The following RIPOR2 variants were observed in gnomAD, a reference collection of about 807,000 sequenced individuals.
RIPOR2 encodes the protein rho family-interacting cell polarization regulator 2.
Under a neutral mutation model 114.5 loss-of-function variants are expected in RIPOR2, and 39 were observed. The ratio of observed to expected loss-of-function variants is 0.34; its 90% CI spans 0.26 to 0.44. RIPOR2 has a LOEUF of 0.44. Among genes scored for constraint, RIPOR2 ranks in the 20% least tolerant of loss-of-function variants. The pLI is 1.00. For missense variants in RIPOR2, 1,007 were observed against 1,255.1 expected (o/e 0.80, Z 2.99); for synonymous variants, 445 against 484.4 (o/e 0.92, Z 1.07).
chr6:24,949,826 C>T (rs899296131), intron 1 of RIPOR2, among the ~76,000 whole-genome samples: 35 of 74,446 alleles, frequency 4.7e-4, no homozygotes, highest in Non-Finnish European at 1.0e-3. Flanking sequence ...CTATAGCCCA[C>T]CACCTGGAAG....
In RIPOR2 at chr6:24,835,776, G is replaced by A. The variant is rs1761060331; in HGVS notation, c.2135C>T (p.Pro712Leu). The change falls in exon 15 of 22, where the codon CCA becomes CTA. Residue 712 changes from proline (P) to leucine (L), a missense_variant. Physicochemically the swap from Pro to Leu is moderately conservative, Grantham distance 98. Transcript: ENST00000643898. ...CAGGCTCTCGTTGCCTGTGGTCAGTGGGAGAGGACTTCCTGCCACACTGGT... is the reference window on the plus strand; with the variant it reads ...CAGGCTCTCGTTGCCTGTGGTCAGTAGGAGAGGACTTCCTGCCACACTGGT... ...VGTSVAGSPL[P>L]LTTGNESLDI... The A allele has an allele frequency of 6.4e-7, 1 of 1,551,636 alleles. No individual in the cohort carries two copies. The highest frequency in any genetic ancestry group is 8.7e-7 in the Non-Finnish European group (1 of 1,146,962).
intron 19 of RIPOR2, among the ~76,000 whole-genome samples, chr6:24,822,932 G>A (rs1257058081): frequency 6.6e-6 from 1 of 152,186 alleles, no homozygotes; most frequent in Non-Finnish European, 1.5e-5. Flanking sequence ...GAAGCAAACA[G>A]AAGGCACATT....
At position 25,041,481 on chromosome 6, in the gene RIPOR2, A is replaced by AT. The variant is rs577142689; in HGVS notation, c.76+369dup. 9.9e-5 allele frequency among the ~76,000 whole-genome samples: 15 copies of AT among 152,284 alleles called. No individual in the cohort carries two copies. The East Asian group carries it at 1.2e-3, about 12-fold the overall frequency. ...ATAACCTGTTTGATTCAGATGTTCC[A>AT]TTTTTTTCCCCACTGTAATAAACAA... On this transcript the variant is annotated intron_variant, in intron 1 of 13. Transcript: ENST00000510784.
chr6:25,003,889 A>G (rs1775427240), intron 1 of RIPOR2, among the ~76,000 whole-genome samples: 1 of 152,236 alleles, frequency 6.6e-6, no homozygotes, highest in Non-Finnish European at 1.5e-5. Flanking sequence ...TGTTAAAAAT[A>G]GTCTAATAAA....
intron 1 of RIPOR2, chr6:24,976,405 G>A (rs552184223): frequency 4.7e-6 from 7 of 1,493,656 alleles, no homozygotes; most frequent in African/African-American, 2.8e-5. Context: ...GAGGAAAACC[G>A]TGTGCTATTA....
At chr6:24,902,607 A>G (rs1019484500) in intron 1 of RIPOR2, among the ~76,000 whole-genome samples, 21 of 152,192 alleles carry the variant, frequency 1.4e-4, no homozygotes, top group African/African-American at 4.8e-4. Context: ...TACTTGCTAC[A>G]TTGAGACAGC....
intron 1 of RIPOR2, among the ~76,000 whole-genome samples, chr6:24,924,208 A>T (rs1355983971): frequency 6.6e-6 from 1 of 152,112 alleles, no homozygotes; most frequent in African/African-American, 2.4e-5. Context: ...TTTCTTTGGG[A>T]TATGCTCCCT....
intron 1 of RIPOR2, among the ~76,000 whole-genome samples, chr6:24,904,545 T>C (rs1373722605): frequency 6.6e-6 from 1 of 152,248 alleles, no homozygotes; most frequent in Non-Finnish European, 1.5e-5. Context: ...CCTTTTGCCA[T>C]GTAGGGCGAC....
chr6:24,861,635 T>G (rs1764082455), intron 7 of RIPOR2, among the ~76,000 whole-genome samples: 1 of 152,236 alleles, frequency 6.6e-6, no homozygotes, highest in African/African-American at 2.4e-5. Context: ...CATATTTCTG[T>G]GCATACACAC....
At chr6:24,847,387 T>C (rs532353729) in intron 12 of RIPOR2, among the ~76,000 whole-genome samples, 14 of 152,302 alleles carry the variant, frequency 9.2e-5, no homozygotes, top group African/African-American at 3.4e-4. Context: ...TCTATCAAAG[T>C]TACATGCACG....
chr6:24,923,440 C>T (rs1334898869), intron 1 of RIPOR2, among the ~76,000 whole-genome samples: 1 of 152,134 alleles, frequency 6.6e-6, no homozygotes, highest in East Asian at 1.9e-4. Context: ...TTTTTAGGAA[C>T]TGCCATACTG....
chr6:24,860,307 C>G (rs1763944311), intron 8 of RIPOR2, among the ~76,000 whole-genome samples: 1 of 152,030 alleles, frequency 6.6e-6, no homozygotes, highest in South Asian at 2.1e-4. Context: ...ATGGTTTCTA[C>G]AGCAAGTCAA....
intron 14 of RIPOR2, 126 bp downstream of exon 14, chr6:24,838,965 C>T: frequency 1.4e-6 from 1 of 694,978 alleles, no homozygotes; most frequent in East Asian, 2.7e-5. Context: ...TGTAAGCCAA[C>T]TGGTCACTCA....
At chr6:24,996,652 T>C (rs558287417) in intron 1 of RIPOR2, among the ~76,000 whole-genome samples, 1 of 152,352 alleles carries the variant, frequency 6.6e-6, no homozygotes, top group South Asian at 2.1e-4. Flanking sequence ...TCAACACTGT[T>C]TACTTTCAAC....
chr6:24,965,326 C>G (rs1773479800), intron 1 of RIPOR2, among the ~76,000 whole-genome samples: 1 of 152,024 alleles, frequency 6.6e-6, no homozygotes. Context: ...TTTATAGAAA[C>G]AGGGTTTCAC....
chr6:24,860,380 A>T (rs1390613197), intron 8 of RIPOR2, among the ~76,000 whole-genome samples: 1 of 152,246 alleles, frequency 6.6e-6, no homozygotes, highest in Non-Finnish European at 1.5e-5. Context: ...AGATATACCT[A>T]ACAACCAATT....
In RIPOR2 at chr6:24,873,645, C is replaced by T. The variant is rs780014769; in HGVS notation, c.343G>A (p.Asp115Asn). Residue 115 changes from aspartate to asparagine, a missense_variant and splice_region_variant, in exon 3 of 22, where the codon GAT becomes AAT. Physicochemically the swap from Asp to Asn is conservative, Grantham distance 23 (BLOSUM62 1). Coordinates refer to ENST00000643898, the MANE Select transcript of RIPOR2 (RefSeq NM_001286445.3). ...ACATTATCAGGTTCAAGTTCTTACT[C>T]AAGTCCATTTTTCAAGGCCCTGTAG... ...EVYRALKNGL[D>N]EYLEVHQTEL... 6.2e-7 allele frequency: 1 copy of T among 1,611,838 alleles called. No individual in the cohort carries two copies.
intron 21 of RIPOR2, 63 bp downstream of exon 21, chr6:24,809,654 G>A (rs1440704743): frequency 1.8e-6 from 2 of 1,122,118 alleles, no homozygotes; most frequent in Non-Finnish European, 2.6e-6. Flanking sequence ...ACATCTAAAT[G>A]GGAACATCCG....
intron 7 of RIPOR2, among the ~76,000 whole-genome samples, chr6:24,861,691 C>T (rs1475781997): frequency 6.6e-6 from 1 of 152,066 alleles, no homozygotes; most frequent in Non-Finnish European, 1.5e-5. Flanking sequence ...TTTTTATTTG[C>T]CAATTACAAA....
Sources: allele counts gnomAD v4.1 joint callset (sites outside exome capture counted in the v4.1 genomes callset), GRCh38; gene constraint gnomAD v4.1.1; transcripts MANE v1.5; gene names NCBI Gene and HGNC (gene_info 2026-07-23, HGNC 2026-07-21).